The following ATR variants were observed in gnomAD, a reference collection of about 807,000 sequenced individuals.
ATR encodes serine/threonine-protein kinase ATR.
ATR carries 142 observed loss-of-function variants against 305.3 expected under a neutral mutation model. The observed-to-expected ratio is 0.47, with a 90% CI of 0.41 to 0.53. ATR has a LOEUF of 0.53. Ranked by LOEUF, ATR falls within the 20% of genes least tolerant of loss-of-function variation. ATR has a pLI of 0.00. For synonymous variants in ATR, 1,050 were observed against 1,068.1 expected, an observed-to-expected ratio of 0.98 and a Z score of 0.33; for missense variants, 2,135 against 3,133.1, an observed-to-expected ratio of 0.68 and a Z score of 7.60.
intron 14 of ATR, 67 bp from the exon 15 acceptor site, chr3:142,549,740 T>A: frequency 1.4e-6 from 2 of 1,450,504 alleles, no homozygotes; most frequent in South Asian, 2.4e-5. Flanking sequence ...TCACATAAGC[T>A]ATGTGCAAAA....
At chr3:142,510,623 T>G (rs531404849) in intron 27 of ATR, among the ~76,000 whole-genome samples, 2 of 152,274 alleles carry the variant, frequency 1.3e-5, no homozygotes, top group East Asian at 1.9e-4. Flanking sequence ...CAGGAAAGTA[T>G]CTGCTTCAAC....
chr3:142,567,945 G>GT, intron 2 of ATR, 118 bp downstream of exon 2: 2 of 818,454 alleles, frequency 2.4e-6, no homozygotes, highest in Non-Finnish European at 3.7e-6. Context: ...CTTGAAAATA[G>GT]TAACTATCAT....
At chr3:142,457,548 G>A (rs976274149) in intron 45 of ATR, 56 bp downstream of exon 45, 3 of 1,604,062 alleles carry the variant, frequency 1.9e-6, no homozygotes, top group Non-Finnish European at 2.6e-6. Flanking sequence ...ATATGTAGGG[G>A]CCAATAATTA....
chr3:142,456,446 C>G (rs1247987818), intron 45 of ATR, among the ~76,000 whole-genome samples: 1 of 152,114 alleles, frequency 6.6e-6, no homozygotes, highest in African/African-American at 2.4e-5. Flanking sequence ...CTCATGCACA[C>G]ATGCTGTCCC....
intron 5 of ATR, 132 bp downstream of exon 5, chr3:142,561,111 G>T: frequency 1.1e-6 from 1 of 916,858 alleles, no homozygotes. Context: ...AATATTTTAA[G>T]CACTCCCTTG....
chr3:142,556,716 AC>A, intron 8 of ATR, 141 bp from the exon 9 acceptor site: 1 of 806,002 alleles, frequency 1.2e-6, no homozygotes, highest in Non-Finnish European at 1.9e-6. Context: ...TACATTTAAT[AC>A]CTAATTTAAT....
chr3:142,498,492 T>C (rs1177406156), intron 32 of ATR, 105 bp downstream of exon 32: 1 of 1,016,756 alleles, frequency 9.8e-7, no homozygotes, highest in East Asian at 2.6e-5. Flanking sequence ...AGTGTAGCTA[T>C]GCATGAAACC....
At chr3:142,481,366 A>AT (rs1336497296) in intron 36 of ATR, among the ~76,000 whole-genome samples, 1 of 152,158 alleles carries the variant, frequency 6.6e-6, no homozygotes, top group Non-Finnish European at 1.5e-5. Flanking sequence ...ATGTATTTGG[A>AT]TATGTTGAAC....
chr3:142,449,619 T>C lies in ATR; in HGVS notation c.7762-17A>G. 1 of 1,612,700 alleles carries C rather than the reference T, an allele frequency of 6.2e-7. No individual in the cohort carries two copies. Among genetic ancestry groups the C allele is most frequent in the South Asian group, 1.1e-5 (1 of 90,998 alleles). On this transcript the variant is annotated splice_polypyrimidine_tract_variant and intron_variant, in intron 46 of 46. Transcript: ENST00000350721. ...GGTCTTGGCCTAAAAAGAAGAAACA[T>C]AAAACCAAAAACAGATGTTAATAAT...
chr3:142,450,941 C>T, intron 46 of ATR: 1 of 1,210,190 alleles, frequency 8.3e-7, no homozygotes, highest in Non-Finnish European at 1.0e-6. Context: ...GAGCTCACCT[C>T]AGAAAAGAAA....
intron 41 of ATR, among the ~76,000 whole-genome samples, chr3:142,463,078 A>G (rs1175685480): frequency 2.6e-5 from 4 of 152,182 alleles, no homozygotes; most frequent in Non-Finnish European, 5.9e-5. Context: ...CAGGAAAACA[A>G]TATGGCCATA....
chr3:142,559,739 C>CA (rs1250339728), intron 6 of ATR, among the ~76,000 whole-genome samples: 2 of 151,964 alleles, frequency 1.3e-5, no homozygotes, highest in African/African-American at 2.4e-5. Flanking sequence ...CCCATCTCTA[C>CA]AAAAAAAATT....
chr3:142,482,818 T>TGATAC (rs2030608093), intron 36 of ATR, among the ~76,000 whole-genome samples: 1 of 149,652 alleles, frequency 6.7e-6, no homozygotes, highest in Admixed American at 6.7e-5. Context: ...AGTGACAGAG[T>TGATAC]GATACTTTGT....
intron 25 of ATR, among the ~76,000 whole-genome samples, chr3:142,514,666 G>C (rs1406718590): frequency 1.3e-5 from 2 of 151,020 alleles, no homozygotes; most frequent in Non-Finnish European, 3.0e-5. Flanking sequence ...GATTAGCCGG[G>C]TGTGATGACT....
intron 15 of ATR, among the ~76,000 whole-genome samples, 192 bp from the exon 16 acceptor site, chr3:142,548,102 T>C (rs1051701474): frequency 5.3e-5 from 8 of 152,334 alleles, no homozygotes; most frequent in African/African-American, 1.7e-4. Context: ...CCATGGATTA[T>C]ATGTAATGAA....
intron 20 of ATR, 76 bp downstream of exon 20, chr3:142,536,032 C>T: frequency 9.5e-7 from 1 of 1,047,680 alleles, no homozygotes; most frequent in South Asian, 1.3e-5. Context: ...CCTAAAGGAT[C>T]TTTATTTCAT....
chr3:142,557,393 C>T (rs1330252833), intron 8 of ATR, among the ~76,000 whole-genome samples: 1 of 152,094 alleles, frequency 6.6e-6, no homozygotes, highest in African/African-American at 2.4e-5. Flanking sequence ...TGATAGTGTC[C>T]ATCCAAATTT....
At chr3:142,481,328 C>T (rs1441137967) in intron 36 of ATR, among the ~76,000 whole-genome samples, 1 of 152,186 alleles carries the variant, frequency 6.6e-6, no homozygotes, top group South Asian at 2.1e-4. Context: ...TTTTGTCCTT[C>T]ATTCTATTAA....
In ATR at chr3:142,549,495, G is replaced by T; in HGVS notation, c.3155C>A (p.Ala1052Asp). 6.3e-7 allele frequency: 1 copy of T among 1,596,030 alleles called. No homozygotes were observed. The highest frequency in any genetic ancestry group is 1.3e-5 in the African/African-American group (1 of 74,362). Residue 1052 changes from alanine to aspartate, a missense_variant, in exon 15 of 47, where the codon GCC (alanine) becomes GAC (aspartate). Physicochemically the swap from Ala to Asp is moderately radical, Grantham distance 126 (BLOSUM62 -2). Coordinates refer to ENST00000350721, the MANE Select transcript of ATR (RefSeq NM_001184.4). ...TTCAATTACCTTCAGATAATGAAGG[G>T]CACGTTCTAATTCATCTTTGGAACA... ...CSCSKDELER[A>D]LHYLKNETEI...
Sources: allele counts gnomAD v4.1 joint callset (sites outside exome capture counted in the v4.1 genomes callset), GRCh38; gene constraint gnomAD v4.1.1; transcripts MANE v1.5; gene names NCBI Gene and HGNC (gene_info 2026-07-23, HGNC 2026-07-21).